The following ZDHHC21 variants were observed in gnomAD, a reference collection of about 807,000 sequenced individuals.
ZDHHC21 encodes the protein zDHHC palmitoyltransferase 21.
Under a neutral mutation model 34.6 loss-of-function variants are expected in ZDHHC21, and 15 were observed. The observed-to-expected ratio is 0.43, with a 90% CI of 0.29 to 0.67. ZDHHC21 has a LOEUF of 0.67. Among genes scored for constraint, ZDHHC21 ranks in the 30% least tolerant of loss-of-function variants. ZDHHC21 has a pLI of 0.14. For missense variants in ZDHHC21, 344 were observed against 327.7 expected, an observed-to-expected ratio of 1.05 and a Z score of -0.38; for synonymous variants, 142 against 101.8, an observed-to-expected ratio of 1.40 and a Z score of -2.38.
intron 9 of ZDHHC21, among the ~76,000 whole-genome samples, 185 bp from the exon 10 acceptor site, chr9:14,619,283 T>C (rs1454655775): frequency 1.3e-5 from 2 of 152,156 alleles, no homozygotes; most frequent in African/African-American, 4.8e-5. Flanking sequence ...GCAGATATTG[T>C]ATCTGTGTCG....
rs1823282273 is a variant in ZDHHC21 at position 14,611,456 on chromosome 9, G to A, written c.*7510C>T. 1 of 151,936 alleles carries A rather than the reference G, an allele frequency of 6.6e-6. No individual in the cohort carries two copies. The highest frequency in any genetic ancestry group is 2.1e-4 in the South Asian group (1 of 4,820). 9.4% of individuals were successfully genotyped at this position (151,936 alleles called of 1,614,324 possible). On this transcript the variant is annotated 3_prime_UTR_variant, in exon 10 of 10. Transcript: ENST00000380916. The stretch of plus-strand genomic sequence containing the variant: ...AGATTTTCTTCAAATTCTCTTAGGG[G>A]AAAGACAAGGTAAAAATAATAGACA...
intron 8 of ZDHHC21, among the ~76,000 whole-genome samples, 154 bp downstream of exon 8, chr9:14,639,742 A>G (rs1042478832): frequency 2.6e-5 from 4 of 152,176 alleles, no homozygotes; most frequent in South Asian, 2.1e-4. Flanking sequence ...GTACTTGATT[A>G]TAACTACTTT....
intron 3 of ZDHHC21, among the ~76,000 whole-genome samples, chr9:14,677,973 A>G (rs1178906435): frequency 6.6e-6 from 1 of 152,116 alleles, no homozygotes; most frequent in Non-Finnish European, 1.5e-5. Context: ...CCGAACACGT[A>G]TGTCTATGCT....
At chr9:14,601,938 T>C in the ZDHHC21 span, among the ~76,000 whole-genome samples, 47 of 151,410 alleles carry the variant, frequency 3.1e-4, no homozygotes, top group African/African-American at 1.1e-3. Flanking sequence ...TAAGTGGGAG[T>C]TGAACAATGA....
At chr9:14,668,882 C>T (rs962083535) in intron 5 of ZDHHC21, among the ~76,000 whole-genome samples, 1 of 127,416 alleles carries the variant, frequency 7.8e-6, no homozygotes, top group Non-Finnish European at 1.7e-5. Context: ...AATGTTAGAC[C>T]TAAAACCATA....
At chr9:14,605,490 G>A in the ZDHHC21 span, among the ~76,000 whole-genome samples, 1 of 152,224 alleles carries the variant, frequency 6.6e-6, no homozygotes, top group African/African-American at 2.4e-5. Flanking sequence ...CTTCTTTGGA[G>A]AAATATCTAT....
rs1229216139 is a variant in ZDHHC21, at chr9:14,612,736, A to C, written c.*6230T>G. ...TGTCTCTCCGTATCTCTCTCTCTAT[A>C]TATCTACACACACATATGTACACAT... On this transcript the variant is annotated 3_prime_UTR_variant, in exon 10 of 10. Coordinates refer to ENST00000380916, the MANE Select transcript of ZDHHC21 (RefSeq NM_178566.6). 2 of 150,896 alleles carry C rather than the reference A, an allele frequency of 1.3e-5. No homozygotes were observed. Among genetic ancestry groups the C allele is most frequent in the South Asian group, 2.1e-4 (1 of 4,758 alleles). The allele number at this position is 150,896 out of a possible 1,614,324, so 9.3% of individuals were successfully genotyped here.
At chr9:14,633,444 T>C (rs1319607701) in intron 8 of ZDHHC21, among the ~76,000 whole-genome samples, 1 of 152,128 alleles carries the variant, frequency 6.6e-6, no homozygotes, top group Admixed American at 6.5e-5. Flanking sequence ...TAATGGGAGC[T>C]ACCTGGAGAA....
At chr9:14,657,257 T>A (rs1832415166) in intron 7 of ZDHHC21, among the ~76,000 whole-genome samples, 1 of 152,108 alleles carries the variant, frequency 6.6e-6, no homozygotes, top group African/African-American at 2.4e-5. Context: ...GAAAAATTGT[T>A]TCCTCCCTCT....
the ZDHHC21 span, among the ~76,000 whole-genome samples, chr9:14,596,923 G>T: frequency 6.6e-6 from 1 of 152,258 alleles, no homozygotes; most frequent in Non-Finnish European, 1.5e-5. Context: ...CATGGAAGGA[G>T]AGAGAAGTGA....
chr9:14,619,686 T>C lies in ZDHHC21; in HGVS notation c.622-4A>G. On this transcript the variant is annotated splice_region_variant and splice_polypyrimidine_tract_variant and intron_variant, in intron 8 of 9. Transcript: ENST00000380916. Reference sequence around the variant, plus strand: ...TCTTTTCAATAGATGTTGTATCCTATTAAAAATAAAAAATTATATTCAGAT... The same window carrying C: ...TCTTTTCAATAGATGTTGTATCCTACTAAAAATAAAAAATTATATTCAGAT... The C allele has an allele frequency of 7.4e-7, 1 of 1,357,146 alleles. No homozygotes were observed. The highest frequency in any genetic ancestry group is 1.0e-6 in the Non-Finnish European group (1 of 986,312). 84.1% of individuals were successfully genotyped at this position (1,357,146 alleles called of 1,614,324 possible).
chr9:14,623,237 G>A (rs1825619727), intron 8 of ZDHHC21, among the ~76,000 whole-genome samples: 1 of 152,112 alleles, frequency 6.6e-6, no homozygotes, highest in Non-Finnish European at 1.5e-5. Flanking sequence ...GAATGGCTGG[G>A]TGCGGTGGCT....
chr9:14,671,725 T>C (rs775790188), intron 5 of ZDHHC21, among the ~76,000 whole-genome samples: 4 of 152,114 alleles, frequency 2.6e-5, no homozygotes, highest in Non-Finnish European at 5.9e-5. Context: ...CTAAAGTTGA[T>C]TGCAGTGATG....
intron 7 of ZDHHC21, among the ~76,000 whole-genome samples, chr9:14,644,472 C>A (rs551076595): frequency 8.3e-4 from 126 of 151,766 alleles, no homozygotes; most frequent in African/African-American, 2.9e-3. Flanking sequence ...GTCAACATTT[C>A]ATCTTAGCAT....
At chr9:14,664,175 G>A (rs980755036) in intron 5 of ZDHHC21, among the ~76,000 whole-genome samples, 2 of 151,146 alleles carry the variant, frequency 1.3e-5, no homozygotes, top group African/African-American at 4.9e-5. Flanking sequence ...GCCGAAGCAG[G>A]GCGAGGCATT....
At chr9:14,602,431 A>G in the ZDHHC21 span, among the ~76,000 whole-genome samples, 1 of 152,058 alleles carries the variant, frequency 6.6e-6, no homozygotes, top group Non-Finnish European at 1.5e-5. Context: ...AATAATAGCT[A>G]AAAACTTCCC....
rs1305691740 is a variant in ZDHHC21 at position 14,617,394 on chromosome 9, T to C, written c.*1572A>G. ...TCTGAGAAGAACTTACTCTATTATT[T>C]CAGAATATGCTACAAGATATTTACA... On this transcript the variant is annotated 3_prime_UTR_variant, in exon 10 of 10. Coordinates refer to ENST00000380916, the MANE Select transcript of ZDHHC21 (RefSeq NM_178566.6). 6.6e-6 allele frequency: 1 copy of C among 152,012 alleles called. No individual in the cohort carries two copies. The highest frequency in any genetic ancestry group is 1.5e-5 in the Non-Finnish European group (1 of 67,930). 9.4% of individuals were successfully genotyped at this position (152,012 alleles called of 1,614,324 possible).
At position 14,693,410 on chromosome 9, in the gene ZDHHC21, C is replaced by A; in HGVS notation, c.-406G>T. 3.4e-6 allele frequency: 1 copy of A among 294,344 alleles called. No individual in the cohort carries two copies. The allele number at this position is 294,344 out of a possible 1,614,324, so 18.2% of individuals were successfully genotyped here. A position where few individuals can be genotyped will look rare whatever the true frequency, so the allele number is the denominator to read the frequency against. On this transcript the variant is annotated 5_prime_UTR_variant, in exon 1 of 10. Coordinates refer to ENST00000380916, the MANE Select transcript of ZDHHC21 (RefSeq NM_178566.6). ...CCGAGTGGGTGTCCGCATGCCCGCG[C>A]GCCCGCGTGGGGAGGGACGACTGCC...
Position 14,669,189 on chromosome 9 carries a change from G to A in ZDHHC21, c.253+3641C>T, listed in dbSNP as rs1433338783. 4.6e-3 allele frequency among the ~76,000 whole-genome samples: 614 copies of A among 132,234 alleles called. 8 individuals are homozygous for A. Among genetic ancestry groups the A allele is most frequent in the African/African-American group, 0.015 (525 of 35,900 alleles). 86.8% of individuals were successfully genotyped at this position (132,234 alleles called of 152,430 possible). On this transcript the variant is annotated intron_variant, in intron 5 of 9. Transcript: ENST00000380916. ...CAAACAACCCCATCAAAAAGTGGGC[G>A]AAGGACATGAACAGACACTTCTCAA...
Sources: gnomAD v4.1 joint callset for allele counts (sites outside exome capture counted in the v4.1 genomes callset) on GRCh38, gnomAD v4.1.1 for gene constraint, MANE v1.5 for transcripts, NCBI Gene and HGNC (gene_info 2026-07-23, HGNC 2026-07-21) for gene names.